The following APBB2 variants were observed in gnomAD, a reference collection of about 807,000 sequenced individuals.
APBB2 encodes the protein amyloid beta precursor protein binding family B member 2, also known as Fe65-like 1.
A neutral mutation model predicts 82.5 loss-of-function variants in APBB2; 38 were observed. That is an observed-to-expected ratio of 0.46 (90% CI 0.36 to 0.60). The LOEUF (loss-of-function observed/expected upper bound fraction) is 0.60, where lower values mean the gene tolerates loss of function less well. Ranked by LOEUF, APBB2 falls within the 20% of genes least tolerant of loss-of-function variation. The pLI is 0.00. For synonymous variants in APBB2, 341 were observed against 368.2 expected (o/e 0.93, Z 0.85); for missense variants, 772 against 972.3 (o/e 0.79, Z 2.74).
At chr4:41,180,445 AAAAC>A (rs1230270843) in intron 1 of APBB2, among the ~76,000 whole-genome samples, 3 of 152,278 alleles carry the variant, frequency 2.0e-5, no homozygotes, top group East Asian at 1.9e-4. Flanking sequence ...TTTCTGCAAA[AAAAC>A]AAACAAACAA....
chr4:41,197,954 C>T, intron 1 of APBB2, among the ~76,000 whole-genome samples: 1 of 152,162 alleles, frequency 6.6e-6, no homozygotes, highest in Non-Finnish European at 1.5e-5. Flanking sequence ...GATAATATAA[C>T]AATATTCATT....
chr4:40,835,616 G>A (rs750129327), intron 12 of APBB2, among the ~76,000 whole-genome samples: 2 of 152,246 alleles, frequency 1.3e-5, no homozygotes, highest in African/African-American at 2.4e-5. Flanking sequence ...GGTGCTGTGC[G>A]GGAGTCTGTA....
At chr4:41,005,570 G>T (rs1455430123) in intron 6 of APBB2, among the ~76,000 whole-genome samples, 1 of 152,134 alleles carries the variant, frequency 6.6e-6, no homozygotes, top group African/African-American at 2.4e-5. Flanking sequence ...CACCTCCAAG[G>T]TATGAGAGCA....
At chr4:40,938,689 G>A (rs1003060693) in intron 7 of APBB2, among the ~76,000 whole-genome samples, 8 of 152,150 alleles carry the variant, frequency 5.3e-5, no homozygotes, top group Non-Finnish European at 8.8e-5. Context: ...CAAAGCAGGG[G>A]GCAAGAGTGG....
At chr4:40,979,684 G>C (rs1417103704) in intron 6 of APBB2, among the ~76,000 whole-genome samples, 2 of 152,150 alleles carry the variant, frequency 1.3e-5, no homozygotes, top group Non-Finnish European at 2.9e-5. Flanking sequence ...GCAGCCTCTG[G>C]GGATGGAAAG....
chr4:41,022,303 G>A (rs1711928739), intron 5 of APBB2, among the ~76,000 whole-genome samples: 1 of 152,208 alleles, frequency 6.6e-6, no homozygotes, highest in Non-Finnish European at 1.5e-5. Context: ...GCATTAAAAT[G>A]TTCTTGCGGT....
At chr4:41,098,859 T>G (rs1744414862) in intron 3 of APBB2, among the ~76,000 whole-genome samples, 1 of 152,236 alleles carries the variant, frequency 6.6e-6, no homozygotes, top group Non-Finnish European at 1.5e-5. Flanking sequence ...TTGACCTTTT[T>G]GTTCTATTTC....
intron 5 of APBB2, among the ~76,000 whole-genome samples, chr4:41,032,770 TTTTC>T (rs1428425829): frequency 8.2e-6 from 1 of 122,042 alleles, no homozygotes; most frequent in African/African-American, 3.2e-5. Context: ...AAAGATTCAT[TTTTC>T]TTTCTTTTTT....
At chr4:41,020,861 G>A (rs1426688577) in intron 5 of APBB2, among the ~76,000 whole-genome samples, 1 of 152,182 alleles carries the variant, frequency 6.6e-6, no homozygotes, top group Non-Finnish European at 1.5e-5. Context: ...TGAGAAAGGA[G>A]GACTGCTGCA....
chr4:40,980,599 G>A (rs895670560), intron 6 of APBB2, among the ~76,000 whole-genome samples: 1 of 152,090 alleles, frequency 6.6e-6, no homozygotes, highest in Admixed American at 6.6e-5. Flanking sequence ...ACCAAGGAGG[G>A]GAAAGTTTGG....
Position 40,812,712 on chromosome 4 carries a change from G to A in APBB2, c.*3380C>T, listed in dbSNP as rs141944589. 6.6e-5 allele frequency: 10 copies of A among 152,300 alleles called. No individual in the cohort carries two copies. Among genetic ancestry groups the A allele is most frequent in the Non-Finnish European group, 1.5e-4 (10 of 68,024 alleles). 9.4% of individuals were successfully genotyped at this position (152,300 alleles called of 1,614,324 possible). ...GGCTTCCAGGCAATGGCCTTGTGTC[G>A]AGTCATCTTACAAGTGTCCATCTTG... On this transcript the variant is annotated 3_prime_UTR_variant, in exon 18 of 18. Coordinates refer to ENST00000508593, the MANE Select transcript of APBB2 (RefSeq NM_004307.2).
At chr4:40,899,657 G>A (rs28460390) in intron 10 of APBB2, among the ~76,000 whole-genome samples, 5,881 of 152,260 alleles carry the variant, frequency 0.039, 369 homozygotes, top group African/African-American at 0.13. Context: ...TATGGACTTC[G>A]TTCTCTCTGG....
chr4:40,928,411 CACACACACACACACACA>C lies in APBB2; in HGVS notation c.1254+6028_1254+6044del, dbSNP rs1362926005. On this transcript the variant is annotated intron_variant, in intron 10 of 17. Transcript: ENST00000508593. The stretch of plus-strand genomic sequence containing the variant: ...AAACACACACACACACACACACACA[CACACACACACACACACA>C]ATCAGCCAGGTGTGTTGACACATGC... Among the ~76,000 whole-genome samples, 57 of 69,538 alleles carry C rather than the reference CACACACACACACACACA, an allele frequency of 8.2e-4. No homozygotes were observed. In the East Asian group the frequency reaches 0.016, roughly 19 times the overall value. The allele number at this position is 69,538 out of a possible 152,430, so 45.6% of individuals were successfully genotyped here.
intron 6 of APBB2, among the ~76,000 whole-genome samples, chr4:40,981,333 G>C (rs1798422023): frequency 6.6e-6 from 1 of 151,842 alleles, no homozygotes; most frequent in South Asian, 2.1e-4. Flanking sequence ...AGTGAGCTGA[G>C]ATCGCACCAC....
intron 10 of APBB2, among the ~76,000 whole-genome samples, chr4:40,901,944 A>G (rs1158384184): frequency 4.3e-5 from 6 of 138,054 alleles, no homozygotes; most frequent in South Asian, 2.2e-4. Context: ...TGTGTGTGTG[A>G]TGGAAAGATG....
At chr4:41,190,481 C>T (rs1348330607) in intron 1 of APBB2, among the ~76,000 whole-genome samples, 2 of 151,904 alleles carry the variant, frequency 1.3e-5, no homozygotes, top group African/African-American at 2.4e-5. Flanking sequence ...AAACTCTTGA[C>T]CTTGTGATCC....
At position 41,142,161 on chromosome 4, in the gene APBB2, C is replaced by T. The variant is rs554072412; in HGVS notation, c.-261+826G>A. 1.4e-3 allele frequency among the ~76,000 whole-genome samples: 160 copies of T among 114,342 alleles called. 1 individual carries two copies. The highest frequency in any genetic ancestry group is 4.4e-3 in the African/African-American group (156 of 35,358). 75.0% of individuals were successfully genotyped at this position (114,342 alleles called of 152,430 possible). A position where few individuals can be genotyped will look rare whatever the true frequency, so the allele number is the denominator to read the frequency against. On this transcript the variant is annotated intron_variant, in intron 2 of 17. Transcript: ENST00000508593. ...TCACAGATTCTGAAAGACTGTGACTCACTACTTTCTAGGGAGTATTTATTA... is the reference window on the plus strand; with the variant it reads ...TCACAGATTCTGAAAGACTGTGACTTACTACTTTCTAGGGAGTATTTATTA...
intron 6 of APBB2, among the ~76,000 whole-genome samples, chr4:40,980,072 G>C (rs977035390): frequency 2.0e-5 from 3 of 152,192 alleles, no homozygotes; most frequent in East Asian, 1.9e-4. Context: ...ACCCAGGCTG[G>C]AGTGCAGTGG....
In APBB2 at chr4:40,981,228, C is replaced by A. The variant is rs144078144; in HGVS notation, c.835+32355G>T. Among the ~76,000 whole-genome samples the A allele has an allele frequency of 6.2e-3, 942 of 152,114 alleles. 7 individuals are homozygous for A. The highest frequency in any genetic ancestry group is 0.011 in the Non-Finnish European group (728 of 67,986). ...GACCATCCTGGCCAACATGGTAAAA[C>A]CCCATCTCCACTAAAAATACGAAAA... On this transcript the variant is annotated intron_variant, in intron 6 of 17. Transcript: ENST00000508593.
Sources: gnomAD v4.1 joint callset for allele counts (sites outside exome capture counted in the v4.1 genomes callset) on GRCh38, gnomAD v4.1.1 for gene constraint, MANE v1.5 for transcripts, NCBI Gene and HGNC (gene_info 2026-07-23, HGNC 2026-07-21) for gene names.